NELL1: variants seen among roughly 807,000 people sequenced by gnomAD.
NELL1 encodes the protein protein kinase C-binding protein NELL1.
NELL1 carries 76 observed loss-of-function variants against 107.4 expected under a neutral mutation model. The observed-to-expected ratio is 0.71, with a 90% CI of 0.59 to 0.86. NELL1 has a LOEUF of 0.86. Among genes scored for constraint, NELL1 ranks in the 40% least tolerant of loss-of-function variants. The pLI is 0.00. For missense variants in NELL1, 1,024 were observed against 1,005.5 expected (o/e 1.02, Z -0.25); for synonymous variants, 353 against 341.2 (o/e 1.03, Z -0.38).
At chr11:21,195,799 G>A (rs968600339) in intron 13 of NELL1, among the ~76,000 whole-genome samples, 2 of 152,122 alleles carry the variant, frequency 1.3e-5, no homozygotes, top group African/African-American at 4.8e-5. Flanking sequence ...TGAGGCTAGT[G>A]GCTGCCATAC....
At chr11:21,435,649 CCTT>C (rs1253315028) in intron 15 of NELL1, among the ~76,000 whole-genome samples, 1 of 151,548 alleles carries the variant, frequency 6.6e-6, no homozygotes, top group Non-Finnish European at 1.5e-5. Flanking sequence ...TAAGTTGAAC[CCTT>C]CTTGTATTCT....
chr11:20,973,717 G>C (rs577176737), intron 12 of NELL1, among the ~76,000 whole-genome samples: 2 of 152,168 alleles, frequency 1.3e-5, no homozygotes, highest in Admixed American at 6.5e-5. Context: ...AAGAAACCTC[G>C]TGTCCTCCTT....
chr11:21,303,070 C>CTCTATATCTATATCTATATCTATA (rs3993104), intron 14 of NELL1, among the ~76,000 whole-genome samples: 130 of 147,608 alleles, frequency 8.8e-4, no homozygotes, highest in East Asian at 4.5e-3. Flanking sequence ...CTCTCTTTTG[C>CTCTATATCTATATCTATATCTATA]TCTATATCTA....
At chr11:20,825,261 C>A (rs1211566415) in intron 3 of NELL1, among the ~76,000 whole-genome samples, 1 of 151,386 alleles carries the variant, frequency 6.6e-6, no homozygotes, top group East Asian at 1.9e-4. Flanking sequence ...AGAGTCAGAG[C>A]CTCCACACAC....
At chr11:21,152,986 T>C (rs999975676) in intron 13 of NELL1, among the ~76,000 whole-genome samples, 3 of 152,162 alleles carry the variant, frequency 2.0e-5, no homozygotes, top group African/African-American at 7.2e-5. Flanking sequence ...TTACATCACC[T>C]CTTAGCACCT....
intron 13 of NELL1, among the ~76,000 whole-genome samples, chr11:21,150,774 C>A (rs1856097428): frequency 6.6e-6 from 1 of 152,144 alleles, no homozygotes; most frequent in Admixed American, 6.5e-5. Context: ...TGTATTAGTT[C>A]ATTCTCACAC....
intron 14 of NELL1, among the ~76,000 whole-genome samples, chr11:21,329,958 A>T (rs1850234641): frequency 6.6e-6 from 1 of 152,116 alleles, no homozygotes; most frequent in African/African-American, 2.4e-5. Flanking sequence ...TTCTATATAT[A>T]GCTTAATGTC....
chr11:20,980,019 G>C (rs1443684204), intron 12 of NELL1, among the ~76,000 whole-genome samples: 1 of 152,126 alleles, frequency 6.6e-6, no homozygotes, highest in Non-Finnish European at 1.5e-5. Flanking sequence ...ATTGTACATG[G>C]TACATTGGTC....
At chr11:20,885,377 C>T in intron 4 of NELL1, 67 bp from the exon 5 acceptor site, 2 of 965,296 alleles carry the variant, frequency 2.1e-6, no homozygotes, top group Non-Finnish European at 3.4e-6. Flanking sequence ...ATACTTCAAA[C>T]AGCATATGCA....
intron 3 of NELL1, among the ~76,000 whole-genome samples, chr11:20,817,494 G>C (rs1006598655): frequency 7.9e-5 from 12 of 151,962 alleles, no homozygotes; most frequent in Admixed American, 7.9e-4. Context: ...TCACCCTTGT[G>C]ATTTCTGTTT....
intron 5 of NELL1, among the ~76,000 whole-genome samples, chr11:20,910,120 T>G (rs568303427): frequency 6.6e-6 from 1 of 152,150 alleles, no homozygotes; most frequent in Admixed American, 6.5e-5. Context: ...ATAGTCTCAG[T>G]GCCATGGTGA....
chr11:20,937,982 C>T, intron 10 of NELL1, 123 bp downstream of exon 10: 4 of 858,656 alleles, frequency 4.7e-6, no homozygotes, highest in Non-Finnish European at 7.6e-6. Context: ...GTGGAACTCT[C>T]TGCGGTGGGT....
At chr11:20,869,288 G>A (rs368182742) in intron 4 of NELL1, among the ~76,000 whole-genome samples, 3 of 152,114 alleles carry the variant, frequency 2.0e-5, no homozygotes, top group African/African-American at 4.8e-5. Flanking sequence ...AGGAGGAGAG[G>A]TTAAAGAGAC....
chr11:20,678,848 G>A (rs1411411839), intron 2 of NELL1, among the ~76,000 whole-genome samples: 1 of 152,118 alleles, frequency 6.6e-6, no homozygotes, highest in Non-Finnish European at 1.5e-5. Flanking sequence ...TAATGCACTA[G>A]GGATTAAGTT....
chr11:21,118,225 G>T lies in NELL1; in HGVS notation c.1426+4511G>T, dbSNP rs566754740. On this transcript the variant is annotated intron_variant, in intron 13 of 19. Coordinates refer to ENST00000357134, the MANE Select transcript of NELL1 (RefSeq NM_006157.5). Reference sequence around the variant, plus strand: ...TTTGAAATGTTTTCTGAAAGCAATGGGGGGCTGTGGGAATTGACTGAGGCA... The same window carrying T: ...TTTGAAATGTTTTCTGAAAGCAATGTGGGGCTGTGGGAATTGACTGAGGCA... 7.4e-5 allele frequency among the ~76,000 whole-genome samples: 11 copies of T among 149,350 alleles called. No individual in the cohort carries two copies. The South Asian group carries it at 2.6e-3, about 35-fold the overall frequency.
chr11:21,366,659 C>T (rs1851229975), intron 14 of NELL1, among the ~76,000 whole-genome samples: 1 of 152,000 alleles, frequency 6.6e-6, no homozygotes, highest in Non-Finnish European at 1.5e-5. Flanking sequence ...ATAAATCCCT[C>T]CACCTCCATG....
At chr11:20,908,868 C>T (rs1850064463) in intron 5 of NELL1, among the ~76,000 whole-genome samples, 1 of 152,128 alleles carries the variant, frequency 6.6e-6, no homozygotes, top group African/African-American at 2.4e-5. Context: ...CAAACAGACA[C>T]TTGTATGTCA....
At chr11:20,804,095 C>T (rs1192297096) in intron 3 of NELL1, among the ~76,000 whole-genome samples, 3 of 152,066 alleles carry the variant, frequency 2.0e-5, no homozygotes, top group Non-Finnish European at 4.4e-5. Flanking sequence ...AGTTCTGCCC[C>T]TCTAGAGAAC....
chr11:21,418,837 C>G (rs73457328), intron 15 of NELL1, among the ~76,000 whole-genome samples: 4,173 of 152,158 alleles, frequency 0.027, 192 homozygotes, highest in African/African-American at 0.094. Flanking sequence ...CAGACCATTC[C>G]TTATGTGTGG....
Sources: gnomAD v4.1 joint callset for allele counts (sites outside exome capture counted in the v4.1 genomes callset) on GRCh38, gnomAD v4.1.1 for gene constraint, MANE v1.5 for transcripts, NCBI Gene and HGNC (gene_info 2026-07-23, HGNC 2026-07-21) for gene names.